GNG4: variants seen among roughly 807,000 people sequenced by gnomAD.
GNG4 encodes the protein G protein subunit gamma 4.
In GNG4, 4 loss-of-function variants were observed where a neutral mutation model predicts 5.8. The ratio of observed to expected loss-of-function variants is 0.69; its 90% confidence interval spans 0.34 to 1.57. GNG4 has a LOEUF of 1.57. Among genes scored for constraint, GNG4 ranks in the 40% most tolerant of loss-of-function variants. The pLI is 0.06. For missense variants in GNG4, 96 were observed against 95.1 expected, an observed-to-expected ratio of 1.01 and a Z score of -0.04; for synonymous variants, 29 against 32.9, an observed-to-expected ratio of 0.88 and a Z score of 0.41.
At chr1:235,575,388 G>C (rs1181824001) in intron 3 of GNG4, among the ~76,000 whole-genome samples, 1 of 152,164 alleles carries the variant, frequency 6.6e-6, no homozygotes, top group Non-Finnish European at 1.5e-5. Context: ...GCCATGTGTA[G>C]CCAGTTCTCC....
chr1:235,634,367 C>G (rs12031819), intron 1 of GNG4, among the ~76,000 whole-genome samples: 25,920 of 152,066 alleles, frequency 0.17, 3,702 homozygotes, highest in East Asian at 0.55. Flanking sequence ...ACAAAGGCTT[C>G]CTGGGGATTT....
chr1:235,581,553 TTCTC>T (rs893834488), intron 3 of GNG4, among the ~76,000 whole-genome samples: 4 of 150,114 alleles, frequency 2.7e-5, no homozygotes, highest in South Asian at 2.1e-4. Context: ...CGCCTCCCCC[TTCTC>T]TCTCTTTCTC....
At chr1:235,640,263 A>T (rs1657283152) in intron 1 of GNG4, among the ~76,000 whole-genome samples, 1 of 152,126 alleles carries the variant, frequency 6.6e-6, no homozygotes, top group East Asian at 1.9e-4. Context: ...ATGCTTAGGC[A>T]GGTTGGGGGG....
intron 1 of GNG4, among the ~76,000 whole-genome samples, chr1:235,602,439 G>A (rs954340091): frequency 1.3e-5 from 2 of 152,138 alleles, no homozygotes; most frequent in Admixed American, 6.6e-5. Context: ...GAGCGGCCCC[G>A]TTAGCCTGGC....
intron 2 of GNG4, among the ~76,000 whole-genome samples, chr1:235,594,372 C>T (rs1688070571): frequency 6.6e-6 from 1 of 152,234 alleles, no homozygotes; most frequent in Non-Finnish European, 1.5e-5. Flanking sequence ...CTGGCTTCAC[C>T]TAGTGGATCC....
chr1:235,585,813 A>C (rs1687745832), intron 2 of GNG4, among the ~76,000 whole-genome samples: 1 of 152,216 alleles, frequency 6.6e-6, no homozygotes, highest in Non-Finnish European at 1.5e-5. Context: ...AAATTCTATA[A>C]GGTAACATTC....
intron 1 of GNG4, among the ~76,000 whole-genome samples, chr1:235,608,078 C>T (rs569091712): frequency 6.6e-6 from 1 of 151,986 alleles, no homozygotes; most frequent in African/African-American, 2.4e-5. Flanking sequence ...GCTGGGACTA[C>T]AGGCGCACGC....
At chr1:235,606,453 G>A (rs984975557) in intron 1 of GNG4, among the ~76,000 whole-genome samples, 5 of 152,152 alleles carry the variant, frequency 3.3e-5, no homozygotes, top group Admixed American at 2.0e-4. Flanking sequence ...GTAGGGAGAC[G>A]GGGTGGAGAG....
chr1:235,560,710 T>C (rs1356370575), intron 3 of GNG4, among the ~76,000 whole-genome samples: 2 of 152,216 alleles, frequency 1.3e-5, no homozygotes, highest in Non-Finnish European at 2.9e-5. Context: ...TCCCCATGAA[T>C]AGAAGAGATC....
At chr1:235,568,221 G>A (rs112807978) in intron 3 of GNG4, among the ~76,000 whole-genome samples, 2 of 151,020 alleles carry the variant, frequency 1.3e-5, no homozygotes, top group African/African-American at 4.9e-5. Context: ...CCCCGCTCTA[G>A]TCATCACACC....
At chr1:235,554,081 T>C (rs1686830022) in intron 3 of GNG4, among the ~76,000 whole-genome samples, 1 of 152,048 alleles carries the variant, frequency 6.6e-6, no homozygotes, top group South Asian at 2.1e-4. Flanking sequence ...TGTGAAGCCA[T>C]CACAAGGAGC....
chr1:235,579,760 A>G (rs958156322), intron 3 of GNG4, among the ~76,000 whole-genome samples: 1 of 151,286 alleles, frequency 6.6e-6, no homozygotes, highest in South Asian at 2.1e-4. Context: ...CTGAGGCAGG[A>G]AAACCACTTG....
intron 2 of GNG4, among the ~76,000 whole-genome samples, chr1:235,593,017 C>CT (rs1342420705): frequency 6.7e-6 from 1 of 150,016 alleles, no homozygotes; most frequent in Non-Finnish European, 1.5e-5. Flanking sequence ...GGTGCAATCT[C>CT]TGCTCACTGC....
chr1:235,558,487 C>T (rs746399950), intron 3 of GNG4, among the ~76,000 whole-genome samples: 4 of 152,138 alleles, frequency 2.6e-5, no homozygotes, highest in East Asian at 1.9e-4. Flanking sequence ...TGAAAGGTGG[C>T]GTCCCAACAA....
At chr1:235,615,641 AT>A in intron 1 of GNG4, 1 of 224,316 alleles carries the variant, frequency 4.5e-6, no homozygotes, top group South Asian at 8.7e-5. Context: ...GGGGGCTTTT[AT>A]TTTTATTTTT....
intron 1 of GNG4, among the ~76,000 whole-genome samples, chr1:235,598,181 C>G (rs1446139375): frequency 1.3e-5 from 2 of 152,172 alleles, no homozygotes; most frequent in Non-Finnish European, 2.9e-5. Flanking sequence ...AGACTAAGGC[C>G]CTGCTCTACC....
At chr1:235,627,713 G>A (rs1273271665) in intron 1 of GNG4, among the ~76,000 whole-genome samples, 3 of 152,114 alleles carry the variant, frequency 2.0e-5, no homozygotes, top group Non-Finnish European at 4.4e-5. Context: ...GGACACTGTT[G>A]GAAACTGGAA....
At chr1:235,628,352 G>A (rs1429969055) in intron 1 of GNG4, among the ~76,000 whole-genome samples, 1 of 152,038 alleles carries the variant, frequency 6.6e-6, no homozygotes. Context: ...ATTGCCTGCA[G>A]GACCGGAGAG....
intron 1 of GNG4, among the ~76,000 whole-genome samples, chr1:235,626,958 CAAAAAAAAAAAAAA>C (rs776506587): frequency 6.3e-4 from 49 of 77,342 alleles, no homozygotes; most frequent in African/African-American, 8.4e-4. Flanking sequence ...GACTCTATCT[CAAAAAAAAAAAAAA>C]AAAAAAAAAA....
Sources: allele counts gnomAD v4.1 joint callset (sites outside exome capture counted in the v4.1 genomes callset), GRCh38; gene constraint gnomAD v4.1.1; transcripts MANE v1.5; gene names NCBI Gene and HGNC (gene_info 2026-07-23, HGNC 2026-07-21).